RHOBTB1: variants seen among roughly 807,000 people sequenced by gnomAD.
RHOBTB1 encodes the protein Rho related BTB domain containing 1.
Under a neutral mutation model 71.6 loss-of-function variants are expected in RHOBTB1, and 40 were observed. The ratio of observed to expected loss-of-function variants is 0.56; its 90% CI spans 0.43 to 0.73. RHOBTB1 has a LOEUF of 0.73. Ranked by LOEUF, RHOBTB1 falls within the 30% of genes least tolerant of loss-of-function variation. RHOBTB1 has a pLI of 0.00. For missense variants in RHOBTB1, 797 were observed against 894.0 expected, an observed-to-expected ratio of 0.89 and a Z score of 1.38; for synonymous variants, 319 against 334.9, an observed-to-expected ratio of 0.95 and a Z score of 0.52.
chr10:60,949,033 G>T (rs2085325869), upstream of RHOBTB1, among the ~76,000 whole-genome samples: 1 of 152,164 alleles, frequency 6.6e-6, no homozygotes, highest in Admixed American at 6.5e-5. Context: ...AGGCTGTTGG[G>T]CTCCAGCTAG....
At chr10:60,963,848 T>C (rs2085866618) in intron 2 of RHOBTB1, among the ~76,000 whole-genome samples, 1 of 152,158 alleles carries the variant, frequency 6.6e-6, no homozygotes, top group Admixed American at 6.6e-5. Context: ...CATCTAATAA[T>C]GGTTCTTAGA....
intron 2 of RHOBTB1, among the ~76,000 whole-genome samples, chr10:60,936,608 C>A (rs1242751504): frequency 6.6e-6 from 1 of 152,156 alleles, no homozygotes; most frequent in Non-Finnish European, 1.5e-5. Flanking sequence ...GATATAGTAA[C>A]CACTATTCTT....
intron 4 of RHOBTB1, 115 bp from the exon 5 acceptor site, chr10:60,893,110 A>T (rs2082002336): frequency 1.4e-5 from 11 of 762,100 alleles, no homozygotes; most frequent in Non-Finnish European, 4.2e-6. Flanking sequence ...ACAATTAAAA[A>T]AAAAAAAGAC....
chr10:60,922,616 A>G (rs192939247), intron 2 of RHOBTB1, among the ~76,000 whole-genome samples: 13 of 152,284 alleles, frequency 8.5e-5, no homozygotes, highest in Admixed American at 7.8e-4. Flanking sequence ...ATCTGGAGTA[A>G]TGAGAGCCAC....
chr10:60,900,198 T>C (rs1288079258), intron 4 of RHOBTB1, among the ~76,000 whole-genome samples: 1 of 151,646 alleles, frequency 6.6e-6, no homozygotes, highest in African/African-American at 2.4e-5. Context: ...GGTGGCAAGG[T>C]AAGAGTGGGA....
chr10:60,899,530 C>T (rs969989922), intron 4 of RHOBTB1, among the ~76,000 whole-genome samples: 11 of 152,306 alleles, frequency 7.2e-5, no homozygotes, highest in Middle Eastern at 3.4e-3. Context: ...TAAACCAGCA[C>T]GATCATTTGA....
rs916206240 is a variant in RHOBTB1 at position 60,869,756 on chromosome 10, G to A, written c.*1726C>T. 1 of 152,444 alleles carries A rather than the reference G, an allele frequency of 6.6e-6. No homozygotes were observed. The highest frequency in any genetic ancestry group is 2.4e-5 in the African/African-American group (1 of 41,416). The allele number at this position is 152,444 out of a possible 1,614,324, so 9.4% of individuals were successfully genotyped here. Reference sequence around the variant, plus strand: ...ATCTTGTCTCCTTTCTCCTTCCATCGATAAGATTTACAAGCCTATTGAAAA... The same window carrying A: ...ATCTTGTCTCCTTTCTCCTTCCATCAATAAGATTTACAAGCCTATTGAAAA... On this transcript the variant is annotated 3_prime_UTR_variant, in exon 11 of 11. Transcript: ENST00000337910.
intron 2 of RHOBTB1, among the ~76,000 whole-genome samples, chr10:60,956,316 A>G (rs902181779): frequency 2.0e-5 from 3 of 152,224 alleles, no homozygotes; most frequent in Non-Finnish European, 4.4e-5. Context: ...TGGAACATGC[A>G]GGACTGGAAG....
At chr10:60,891,030 T>C (rs960464296) in intron 5 of RHOBTB1, among the ~76,000 whole-genome samples, 12 of 152,208 alleles carry the variant, frequency 7.9e-5, no homozygotes, top group African/African-American at 2.9e-4. Flanking sequence ...CATAACCTAT[T>C]TTTATACAGA....
chr10:60,936,704 C>G (rs1192296098), intron 2 of RHOBTB1, among the ~76,000 whole-genome samples: 1 of 152,134 alleles, frequency 6.6e-6, no homozygotes, highest in East Asian at 1.9e-4. Flanking sequence ...AATCTCAGGC[C>G]CCATCCCAGA....
Position 60,910,981 on chromosome 10 carries a change from G to C in RHOBTB1, c.202C>G (p.Arg68Gly). 1 of 1,613,534 alleles carries C rather than the reference G, an allele frequency of 6.2e-7. No individual in the cohort carries two copies. The highest frequency in any genetic ancestry group is 8.5e-7 in the Non-Finnish European group (1 of 1,179,680). ...ACTTCATCAACAACATCCCGAGAAC[G>C]CTCCAAGACCTGCAGGAGAGAGAGA... Reference protein sequence around the residue: ...QYRVCQEVLERSRDVVDEVSV... With the variant: ...QYRVCQEVLEGSRDVVDEVSV... The change falls in exon 4 of 11, where the codon CGT becomes GGT. Residue 68 changes from arginine (R) to glycine (G), a missense_variant. By Grantham distance (125) the Arg-to-Gly change is moderately radical (BLOSUM62 -2). Around this residue, in one of 2 missense-constraint regions of RHOBTB1, gnomAD observed 139 missense variants for 212.5 expected, o/e 0.65. Transcript: ENST00000337910.
chr10:60,890,334 G>T lies in RHOBTB1; in HGVS notation c.483-1149C>A, dbSNP rs75308921. ...ATTTTAGTCCACAGTCCTCACTGCT[G>T]CAAGAAAAGTCTTTACATAACACAA... On this transcript the variant is annotated intron_variant, in intron 5 of 10. Transcript: ENST00000337910. Among the ~76,000 whole-genome samples, 1,226 of 152,086 alleles carry T rather than the reference G, an allele frequency of 8.1e-3. 19 individuals are homozygous for T. The highest frequency in any genetic ancestry group is 0.028 in the African/African-American group (1,142 of 41,478).
At position 60,886,131 on chromosome 10, in the gene RHOBTB1, A is replaced by G. The variant is rs756356001; in HGVS notation, c.1556T>C (p.Val519Ala). The change falls in exon 7 of 11, where the codon GTG (valine) becomes GCG (alanine). Residue 519 changes from valine to alanine, a missense_variant. Physicochemically the swap from Val to Ala is moderately conservative, Grantham distance 64. Coordinates refer to ENST00000337910, the MANE Select transcript of RHOBTB1 (RefSeq NM_014836.5). ...ACGTACCTCACTGTTGGCACTTTCC[A>G]CAAATGACCCCCCGAACATGGCTGC... ...WMAAMFGGSF[V>A]ESANSEVYLP... The G allele has an allele frequency of 3.7e-6, 6 of 1,613,908 alleles. No homozygotes were observed. The Admixed American group carries it at 6.7e-5, about 18-fold the overall frequency.
intron 7 of RHOBTB1, among the ~76,000 whole-genome samples, chr10:60,881,063 TC>T (rs1554829805): frequency 1.3e-5 from 2 of 152,102 alleles, no homozygotes; most frequent in Non-Finnish European, 2.9e-5. Context: ...TGGGGGTGGT[TC>T]CCCCCAGACT....
At chr10:60,902,453 C>G (rs1183315683) in intron 4 of RHOBTB1, among the ~76,000 whole-genome samples, 3 of 151,868 alleles carry the variant, frequency 2.0e-5, no homozygotes, top group Admixed American at 6.5e-5. Context: ...AAAAATTATT[C>G]TTATAAAGAT....
chr10:60,862,320 C>T, the RHOBTB1 span, among the ~76,000 whole-genome samples: 3 of 152,148 alleles, frequency 2.0e-5, no homozygotes, highest in Non-Finnish European at 4.4e-5. Context: ...ACCTCAGCCT[C>T]TCTAGTAGCT....
chr10:60,984,169 C>T (rs1399255227), intron 2 of RHOBTB1, among the ~76,000 whole-genome samples: 1 of 152,100 alleles, frequency 6.6e-6, no homozygotes, highest in African/African-American at 2.4e-5. Context: ...GAAAAGGGTG[C>T]TTGTAATTCT....
intron 2 of RHOBTB1, among the ~76,000 whole-genome samples, chr10:60,978,617 G>A (rs1468117447): frequency 6.6e-6 from 1 of 152,124 alleles, no homozygotes; most frequent in African/African-American, 2.4e-5. Context: ...CTATCAAGCT[G>A]CTCAAAATGT....
intron 2 of RHOBTB1, among the ~76,000 whole-genome samples, chr10:60,960,258 TA>T (rs987576116): frequency 6.6e-6 from 1 of 152,184 alleles, no homozygotes; most frequent in Non-Finnish European, 1.5e-5. Context: ...AAAATCTAAT[TA>T]AATGATGCTT....
Sources: gnomAD v4.1 joint callset for allele counts (sites outside exome capture counted in the v4.1 genomes callset) on GRCh38, gnomAD v4.1.1 for gene constraint, gnomAD v4.1.1 regional missense constraint, MANE v1.5 for transcripts, NCBI Gene and HGNC (gene_info 2026-07-23, HGNC 2026-07-21) for gene names.